The following NKAIN3 variants were observed in gnomAD, a reference collection of about 807,000 sequenced individuals.
NKAIN3 encodes sodium/potassium transporting ATPase interacting 3, also known as sodium/potassium-transporting ATPase subunit beta-1-interacting protein 3.
Under a neutral mutation model 30.2 loss-of-function variants are expected in NKAIN3, and 25 were observed. The observed-to-expected ratio is 0.83, with a 90% confidence interval of 0.60 to 1.16. NKAIN3 has a LOEUF of 1.16. Ranked by LOEUF, NKAIN3 falls within the 50% of genes most tolerant of loss-of-function variation. The pLI is 0.00. For missense variants in NKAIN3, 225 were observed against 254.1 expected, an observed-to-expected ratio of 0.89 and a Z score of 0.78; for synonymous variants, 91 against 89.6, an observed-to-expected ratio of 1.02 and a Z score of -0.09.
At chr8:62,677,824 G>C (rs1471638117) in intron 3 of NKAIN3, among the ~76,000 whole-genome samples, 1 of 152,174 alleles carries the variant, frequency 6.6e-6, no homozygotes, top group African/African-American at 2.4e-5. Flanking sequence ...CTCCTCCTTA[G>C]GCCATGGTGC....
intron 2 of NKAIN3, among the ~76,000 whole-genome samples, chr8:62,582,658 T>C (rs1370107483): frequency 6.6e-6 from 1 of 152,166 alleles, no homozygotes; most frequent in African/African-American, 2.4e-5. Context: ...ATCAGAGCAG[T>C]TCTGATTTAC....
At chr8:62,810,042 T>G (rs1258264482) in intron 4 of NKAIN3, among the ~76,000 whole-genome samples, 1 of 152,076 alleles carries the variant, frequency 6.6e-6, no homozygotes, top group African/African-American at 2.4e-5. Flanking sequence ...AAGGTGGAAG[T>G]CAGACCTTGA....
chr8:62,670,308 C>T (rs1306042083), intron 3 of NKAIN3, among the ~76,000 whole-genome samples: 1 of 152,106 alleles, frequency 6.6e-6, no homozygotes, highest in African/African-American at 2.4e-5. Flanking sequence ...TTTTCCTCTA[C>T]TTGCAATATA....
intron 1 of NKAIN3, among the ~76,000 whole-genome samples, chr8:62,353,487 C>G (rs563932391): frequency 6.6e-6 from 1 of 152,278 alleles, no homozygotes; most frequent in East Asian, 1.9e-4. Context: ...TCTATTCATT[C>G]ATTAAGCTAT....
chr8:62,337,852 A>G (rs1331622101), intron 1 of NKAIN3, among the ~76,000 whole-genome samples: 1 of 152,036 alleles, frequency 6.6e-6, no homozygotes, highest in African/African-American at 2.4e-5. Context: ...TATTTCATAA[A>G]CTGAAGTGTG....
intron 4 of NKAIN3, among the ~76,000 whole-genome samples, chr8:62,877,715 T>C (rs1351617633): frequency 1.3e-5 from 2 of 152,168 alleles, no homozygotes; most frequent in Admixed American, 6.5e-5. Flanking sequence ...CTTATTTTCA[T>C]ATGAATTGAT....
chr8:62,513,620 G>A (rs1807881322), intron 1 of NKAIN3, among the ~76,000 whole-genome samples: 1 of 152,010 alleles, frequency 6.6e-6, no homozygotes, highest in African/African-American at 2.4e-5. Context: ...TGTAATCTCA[G>A]CACTTTGGGA....
chr8:62,384,440 A>G (rs190250380), intron 1 of NKAIN3, among the ~76,000 whole-genome samples: 4 of 152,332 alleles, frequency 2.6e-5, no homozygotes, highest in Admixed American at 2.6e-4. Flanking sequence ...CACATTTTAT[A>G]ATAGTAATAG....
intron 1 of NKAIN3, among the ~76,000 whole-genome samples, chr8:62,345,548 T>C (rs1354577258): frequency 2.1e-5 from 3 of 144,726 alleles, no homozygotes; most frequent in Non-Finnish European, 4.5e-5. Context: ...TATATACACA[T>C]ATATGTATAT....
intron 1 of NKAIN3, among the ~76,000 whole-genome samples, chr8:62,267,447 T>G (rs1369578042): frequency 6.6e-6 from 1 of 152,222 alleles, no homozygotes. Context: ...ATGATTCTCT[T>G]GGCAGATAAC....
At chr8:62,405,141 A>T (rs62509249) in intron 1 of NKAIN3, among the ~76,000 whole-genome samples, 1 of 152,086 alleles carries the variant, frequency 6.6e-6, no homozygotes, top group Non-Finnish European at 1.5e-5. Context: ...TGGAATACAA[A>T]GTCCTCTTTA....
At chr8:62,792,401 T>C (rs1020291750) in intron 4 of NKAIN3, among the ~76,000 whole-genome samples, 5 of 152,142 alleles carry the variant, frequency 3.3e-5, no homozygotes, top group African/African-American at 1.2e-4. Context: ...ATTTAACCTA[T>C]TCTCAAACTT....
chr8:62,379,573 A>T (rs902053775), intron 1 of NKAIN3, among the ~76,000 whole-genome samples: 1 of 152,148 alleles, frequency 6.6e-6, no homozygotes, highest in African/African-American at 2.4e-5. Context: ...AGAGTGAGTG[A>T]GTTCTCACAA....
chr8:62,308,646 A>C (rs916811398), intron 1 of NKAIN3, among the ~76,000 whole-genome samples: 1 of 150,394 alleles, frequency 6.6e-6, no homozygotes, highest in Non-Finnish European at 1.5e-5. Flanking sequence ...GTGGAGGTAA[A>C]ATTAACAGAA....
chr8:62,724,155 T>C (rs1172928387), intron 3 of NKAIN3, among the ~76,000 whole-genome samples: 3 of 152,166 alleles, frequency 2.0e-5, no homozygotes, highest in Non-Finnish European at 4.4e-5. Flanking sequence ...TTCCTTTTAG[T>C]ATTGTATACT....
chr8:62,830,072 T>C (rs1819147647), intron 4 of NKAIN3, among the ~76,000 whole-genome samples: 1 of 152,184 alleles, frequency 6.6e-6, no homozygotes, highest in Non-Finnish European at 1.5e-5. Context: ...CTATTGTAGA[T>C]ATACATATTT....
chr8:62,971,548 G>A lies in NKAIN3; in HGVS notation c.*6141G>A, dbSNP rs1823834648. ...CTTGGGAGGTTGAAGTAGGAGGGTT[G>A]TTTGAACCTGGGAGACGGAGGTTGC... On this transcript the variant is annotated 3_prime_UTR_variant, in exon 7 of 7. Transcript: ENST00000623646. 6.7e-6 allele frequency among the ~76,000 whole-genome samples: 1 copy of A among 148,236 alleles called. No homozygotes were observed. Among genetic ancestry groups the A allele is most frequent in the African/African-American group, 2.5e-5 (1 of 40,548 alleles).
chr8:62,454,323 A>AAAAAAAAAAAAAAAAAAAAAAAC (rs1360909972), intron 1 of NKAIN3, among the ~76,000 whole-genome samples: 6 of 145,096 alleles, frequency 4.1e-5, no homozygotes, highest in Non-Finnish European at 6.1e-5. Flanking sequence ...AAAAAAAAAA[A>AAAAAAAAAAAAAAAAAAAAAAAC]TCTGAAAATC....
intron 3 of NKAIN3, among the ~76,000 whole-genome samples, chr8:62,741,026 G>GAAA (rs34258703): frequency 2.2e-5 from 3 of 134,520 alleles, no homozygotes; most frequent in African/African-American, 2.7e-5. Flanking sequence ...TAAACTTTAT[G>GAAA]AAAAAAAAAA....
Sources: gnomAD v4.1 joint callset for allele counts (sites outside exome capture counted in the v4.1 genomes callset) on GRCh38, gnomAD v4.1.1 for gene constraint, MANE v1.5 for transcripts, NCBI Gene and HGNC (gene_info 2026-07-23, HGNC 2026-07-21) for gene names.